Variants in NT5DC3 observed in about 807,000 individuals in gnomAD.
The protein encoded by NT5DC3 is 5'-nucleotidase domain-containing protein 3.
Under a neutral mutation model 67.8 loss-of-function variants are expected in NT5DC3, and 42 were observed. The ratio of observed to expected loss-of-function variants is 0.62; its 90% CI spans 0.48 to 0.80. NT5DC3 has a LOEUF of 0.80. Among genes scored for constraint, NT5DC3 ranks in the 30% least tolerant of loss-of-function variants. The probability of loss-of-function intolerance (pLI) is 0.00; values close to 1 mark genes in which losing one functional copy is unlikely to be tolerated. For synonymous variants in NT5DC3, 237 were observed against 255.6 expected, an observed-to-expected ratio of 0.93 and a Z score of 0.69; for missense variants, 570 against 696.4, an observed-to-expected ratio of 0.82 and a Z score of 2.04.
chr12:103,793,073 T>A, intron 9 of NT5DC3, 91 bp downstream of exon 9: 1 of 895,724 alleles, frequency 1.1e-6, no homozygotes, highest in Non-Finnish European at 1.8e-6. Context: ...ATGCTTATGA[T>A]TTTGCAACTG....
downstream of NT5DC3, among the ~76,000 whole-genome samples, chr12:103,767,135 C>A (rs899699263): frequency 6.6e-6 from 1 of 151,454 alleles, no homozygotes; most frequent in Non-Finnish European, 1.5e-5. Context: ...GTACATGCAT[C>A]TTCACAGTAG....
At chr12:103,799,804 C>CAAAAAAAAA (rs72379630) in intron 4 of NT5DC3, among the ~76,000 whole-genome samples, 9 of 131,492 alleles carry the variant, frequency 6.8e-5, no homozygotes, top group Admixed American at 7.5e-5. Context: ...CTCCACATAC[C>CAAAAAAAAA]AAAAAAAAAA....
chr12:103,766,030 T>A (rs989109821), downstream of NT5DC3: 10 of 639,376 alleles, frequency 1.6e-5, no homozygotes, highest in Admixed American at 2.1e-5. Flanking sequence ...CCTTTGTAGA[T>A]GAAGAAACTG....
intron 4 of NT5DC3, among the ~76,000 whole-genome samples, chr12:103,801,261 T>C (rs1365109366): frequency 6.6e-6 from 1 of 151,948 alleles, no homozygotes; most frequent in Non-Finnish European, 1.5e-5. Flanking sequence ...CCTTCTCTCA[T>C]TCATGGCCCC....
chr12:103,811,006 A>G (rs1887004995), intron 2 of NT5DC3, among the ~76,000 whole-genome samples: 1 of 152,182 alleles, frequency 6.6e-6, no homozygotes, highest in Non-Finnish European at 1.5e-5. Flanking sequence ...GCTAGAGTAA[A>G]ATGACCTCAT....
chr12:103,763,753 G>A, the NT5DC3 span: 3 of 751,644 alleles, frequency 4.0e-6, no homozygotes. Context: ...AGCCAGTTTT[G>A]CAAGCTGACT....
intron 9 of NT5DC3, 111 bp downstream of exon 9, chr12:103,793,053 A>G (rs1186119968): frequency 6.4e-6 from 5 of 785,220 alleles, no homozygotes; most frequent in African/African-American, 3.5e-5. Context: ...TTCAAAAGCT[A>G]TAATCTCACA....
At chr12:103,758,858 A>T in the NT5DC3 span, among the ~76,000 whole-genome samples, 1 of 152,062 alleles carries the variant, frequency 6.6e-6, no homozygotes, top group Non-Finnish European at 1.5e-5. Flanking sequence ...CTGAGGGCTG[A>T]GGAAAGCAAT....
In NT5DC3 at chr12:103,782,846, C is replaced by T. The variant is rs527310284; in HGVS notation, c.1330-2482G>A. On this transcript the variant is annotated intron_variant, in intron 12 of 13. Transcript: ENST00000392876. Reference sequence around the variant, plus strand: ...TACTAAAAATACAAAATTAGCTGGGCGTGGTGGCACAAGCCTGTAGTCCCA... The same window carrying T: ...TACTAAAAATACAAAATTAGCTGGGTGTGGTGGCACAAGCCTGTAGTCCCA... Among the ~76,000 whole-genome samples, 7 of 152,220 alleles carry T rather than the reference C, an allele frequency of 4.6e-5. No individual in the cohort carries two copies. The East Asian group carries it at 9.7e-4, about 21-fold the overall frequency.
At position 103,815,117 on chromosome 12, in the gene NT5DC3, C is replaced by G; in HGVS notation, c.213G>C (p.Leu71Phe). ...ACAAGTTGCTCATAATGGAAGGAAC[C>G]AATTCTGGAAATAAAGAAAAAAAAT... ...YREAKRSTEE[L>F]VPSIMSNLLN... is the part of the protein sequence containing the mutation. Residue 71 changes from leucine to phenylalanine, a missense_variant, in exon 2 of 14, where the codon TTG (leucine) becomes TTC (phenylalanine). This residue lies in a region of NT5DC3 where 466 missense variants were observed against 608.0 expected (regional missense o/e 0.77). Coordinates refer to ENST00000392876, the MANE Select transcript of NT5DC3 (RefSeq NM_001031701.3). The G allele has an allele frequency of 3.1e-6, 5 of 1,599,162 alleles. No homozygotes were observed. In the South Asian group the frequency reaches 5.6e-5, roughly 18 times the overall value.
chr12:103,758,327 A>G, the NT5DC3 span: 1 of 1,607,834 alleles, frequency 6.2e-7, no homozygotes, highest in African/African-American at 1.3e-5. Flanking sequence ...TTAGACTAGC[A>G]TGTTATCTAT....
At chr12:103,819,980 T>C (rs1328901326) in intron 1 of NT5DC3, among the ~76,000 whole-genome samples, 2 of 152,212 alleles carry the variant, frequency 1.3e-5, no homozygotes, top group Admixed American at 1.3e-4. Context: ...TTTCTGTCTC[T>C]ATGAATCTGA....
chr12:103,789,028 A>T, intron 9 of NT5DC3, 109 bp from the exon 10 acceptor site: 1 of 749,824 alleles, frequency 1.3e-6, no homozygotes, highest in South Asian at 1.6e-5. Flanking sequence ...AAAAACCTAA[A>T]AAAAACCCGA....
Position 103,840,929 on chromosome 12 carries a change from G to A in NT5DC3, c.208+20C>T. On this transcript the variant is annotated intron_variant, in intron 1 of 13. Coordinates refer to ENST00000392876, the MANE Select transcript of NT5DC3 (RefSeq NM_001031701.3). ...CAGGAGGGGCCCCAGGCGCCGGGGC[G>A]GGGTCGCCGCCTCACTCACCTTCTG... The A allele has an allele frequency of 4.5e-6, 6 of 1,332,292 alleles. No homozygotes were observed. Among genetic ancestry groups the A allele is most frequent in the Non-Finnish European group, 5.8e-6 (6 of 1,026,616 alleles). The allele number at this position is 1,332,292 out of a possible 1,614,324, so 82.5% of individuals were successfully genotyped here. A position where few individuals can be genotyped will look rare whatever the true frequency, so the allele number is the denominator to read the frequency against.
intron 1 of NT5DC3, among the ~76,000 whole-genome samples, chr12:103,837,298 C>T (rs894856027): frequency 1.3e-5 from 2 of 152,202 alleles, no homozygotes; most frequent in African/African-American, 4.8e-5. Context: ...CCTGGGCCTC[C>T]AAGCATGTAA....
intron 11 of NT5DC3, among the ~76,000 whole-genome samples, chr12:103,786,853 T>C (rs191372038): frequency 6.0e-4 from 92 of 152,208 alleles, no homozygotes; most frequent in African/African-American, 2.1e-3. Flanking sequence ...CAGATAATTT[T>C]TGTATTTTTA....
At chr12:103,791,078 TG>T (rs1444080555) in intron 9 of NT5DC3, among the ~76,000 whole-genome samples, 1 of 152,164 alleles carries the variant, frequency 6.6e-6, no homozygotes, top group African/African-American at 2.4e-5. Flanking sequence ...GCTGTTAGGT[TG>T]TTTCTGACCT....
At chr12:103,819,413 C>T (rs1313728023) in intron 1 of NT5DC3, among the ~76,000 whole-genome samples, 1 of 152,238 alleles carries the variant, frequency 6.6e-6, no homozygotes, top group Non-Finnish European at 1.5e-5. Flanking sequence ...TAGTCACTTA[C>T]ACACTTTCTC....
intron 1 of NT5DC3, among the ~76,000 whole-genome samples, chr12:103,835,310 C>T (rs1888101043): frequency 6.6e-6 from 1 of 152,154 alleles, no homozygotes; most frequent in Non-Finnish European, 1.5e-5. Flanking sequence ...AAGAAAAAGC[C>T]TCATGAATGA....
Sources: gnomAD v4.1 joint callset for allele counts (sites outside exome capture counted in the v4.1 genomes callset) on GRCh38, gnomAD v4.1.1 for gene constraint, gnomAD v4.1.1 regional missense constraint, MANE v1.5 for transcripts, NCBI Gene and HGNC (gene_info 2026-07-23, HGNC 2026-07-21) for gene names.